Variants in BRF1 observed in about 807,000 individuals in gnomAD.
BRF1 encodes the protein transcription factor IIIB 90 kDa subunit.
In BRF1, 59 loss-of-function variants were observed where a neutral mutation model predicts 81.7. The observed-to-expected ratio is 0.72, with a 90% confidence interval of 0.59 to 0.90. The LOEUF (loss-of-function observed/expected upper bound fraction) is 0.90. Ranked by LOEUF, BRF1 falls within the 40% of genes least tolerant of loss-of-function variation. The pLI, the probability that BRF1 is intolerant of heterozygous loss-of-function variation, is 0.00. For synonymous variants in BRF1, 491 were observed against 395.6 expected (o/e 1.24, Z -2.86); for missense variants, 1,050 against 936.3 (o/e 1.12, Z -1.58).
At chr14:105,286,090 A>G (rs886096454) in intron 2 of BRF1, among the ~76,000 whole-genome samples, 5 of 152,184 alleles carry the variant, frequency 3.3e-5, no homozygotes, top group African/African-American at 1.2e-4. Context: ...GTTCTCCCCA[A>G]ACAGCCCTGG....
At chr14:105,219,513 G>T in intron 12 of BRF1, 1 of 591,084 alleles carries the variant, frequency 1.7e-6, no homozygotes, top group Non-Finnish European at 2.9e-6. Flanking sequence ...GCCAGCCAGA[G>T]TGCAGGCCAC....
At chr14:105,293,734 G>A (rs1298842303) in intron 1 of BRF1, among the ~76,000 whole-genome samples, 1 of 152,178 alleles carries the variant, frequency 6.6e-6, no homozygotes, top group African/African-American at 2.4e-5. Flanking sequence ...CTCTGCTCGG[G>A]TGCCCCGGGA....
intron 5 of BRF1, 21 bp downstream of exon 5, chr14:105,252,483 CCAG>C (rs1459879451): frequency 6.2e-6 from 10 of 1,611,964 alleles, no homozygotes; most frequent in Middle Eastern, 1.6e-4. Context: ...GCCGGACACC[CCAG>C]CATCTCACCC....
At chr14:105,268,568 A>G (rs1047041791) in intron 3 of BRF1, among the ~76,000 whole-genome samples, 10 of 152,264 alleles carry the variant, frequency 6.6e-5, no homozygotes, top group Non-Finnish European at 1.3e-4. Flanking sequence ...GGGTGGGCAG[A>G]AGGAGGAATA....
intron 5 of BRF1, chr14:105,248,846 T>C: frequency 2.0e-6 from 2 of 989,932 alleles, no homozygotes; most frequent in South Asian, 9.2e-5. Flanking sequence ...GCGCCGAGGC[T>C]GCCCCCGCCG....
chr14:105,269,326 G>A lies in BRF1; in HGVS notation c.439+3395C>T, dbSNP rs2056558781. Among the ~76,000 whole-genome samples the A allele has an allele frequency of 6.6e-6, 1 of 152,170 alleles. No homozygotes were observed. Among genetic ancestry groups the A allele is most frequent in the Admixed American group, 6.5e-5 (1 of 15,280 alleles). ...TGAAGGGAGCCCCACCAGGCCACCA[G>A]CAGCCAGAGGGGATAGAGTGCGGCC... On this transcript the variant is annotated intron_variant, in intron 3 of 17. Coordinates refer to ENST00000547530, the MANE Select transcript of BRF1 (RefSeq NM_001519.4). The surrounding 1 kb of genome is among the most constrained non-coding windows in gnomAD (Gnocchi z 5.0).
intron 6 of BRF1, among the ~76,000 whole-genome samples, chr14:105,229,615 C>T (rs1221652335): frequency 2.0e-5 from 3 of 152,218 alleles, no homozygotes; most frequent in African/African-American, 4.8e-5. Flanking sequence ...TCACAGAGGT[C>T]CAACTAGAAC....
chr14:105,311,108 A>G (rs2058340488), intron 1 of BRF1, among the ~76,000 whole-genome samples: 1 of 151,936 alleles, frequency 6.6e-6, no homozygotes, highest in South Asian at 2.1e-4. Context: ...GCGCACCATC[A>G]TGCCCCACTA....
At position 105,255,439 on chromosome 14, in the gene BRF1, G is replaced by T. The variant is rs587666900; in HGVS notation, c.471+1079C>A. Reference sequence around the variant, plus strand: ...GGCAGAAGCCTAACTGTGGGCTGCTGCCAAAGGCGGAAAGCCCTTGAGGAC... The same window carrying T: ...GGCAGAAGCCTAACTGTGGGCTGCTTCCAAAGGCGGAAAGCCCTTGAGGAC... On this transcript the variant is annotated intron_variant, in intron 4 of 17. Transcript: ENST00000547530. Among the ~76,000 whole-genome samples the T allele has an allele frequency of 5.2e-5, 8 of 152,392 alleles. No individual in the cohort carries two copies. In the South Asian group the frequency reaches 1.7e-3, roughly 32 times the overall value.
chr14:105,228,717 GA>G, intron 7 of BRF1, 102 bp downstream of exon 7: 1 of 1,323,508 alleles, frequency 7.6e-7, no homozygotes, highest in African/African-American at 1.4e-5. Context: ...CCAGGCGGGG[GA>G]CGGCAGGGTC....
intron 6 of BRF1, 152 bp downstream of exon 6, chr14:105,241,113 C>G: frequency 1.6e-6 from 2 of 1,266,186 alleles, no homozygotes; most frequent in Non-Finnish European, 1.1e-6. Flanking sequence ...CTGAGGACCC[C>G]GGTGGGCCAG....
chr14:105,249,867 C>T, intron 5 of BRF1: 1 of 1,612,378 alleles, frequency 6.2e-7, no homozygotes, highest in Non-Finnish European at 8.5e-7. Context: ...GCCGAGATGG[C>T]CCTACGGTCC....
chr14:105,210,717 C>T lies in BRF1; in HGVS notation c.1997-129G>A. The T allele has an allele frequency of 4.6e-6, 5 of 1,078,588 alleles. No homozygotes were observed. Among genetic ancestry groups the T allele is most frequent in the Non-Finnish European group, 6.7e-6 (5 of 748,506 alleles). 66.8% of individuals were successfully genotyped at this position (1,078,588 alleles called of 1,614,324 possible). ...CCAGCCCCAGCCCCAGCCCCCCGCGCCCCGCCAGGAGCCATCTTGGGCTCC... is the reference window on the plus strand; with the variant it reads ...CCAGCCCCAGCCCCAGCCCCCCGCGTCCCGCCAGGAGCCATCTTGGGCTCC... On this transcript the variant is annotated intron_variant, in intron 17 of 17. Transcript: ENST00000547530. The surrounding 1 kb of genome is among the most constrained non-coding windows in gnomAD (Gnocchi z 4.7).
At position 105,274,000 on chromosome 14, in the gene BRF1, G is replaced by A. The variant is rs372177941; in HGVS notation, c.266-1106C>T. 9.8e-5 allele frequency among the ~76,000 whole-genome samples: 15 copies of A among 152,330 alleles called. No individual in the cohort carries two copies. In the South Asian group the frequency reaches 2.3e-3, roughly 23 times the overall value. On this transcript the variant is annotated intron_variant, in intron 2 of 17. Transcript: ENST00000547530. ...CCTGCCCCTGGGAACTGAATGTCTC[G>A]ATATAAAACCCGATTGTACACTTGT...
chr14:105,264,441 G>C (rs2056304974), intron 3 of BRF1, among the ~76,000 whole-genome samples: 1 of 151,904 alleles, frequency 6.6e-6, no homozygotes, highest in Non-Finnish European at 1.5e-5. Context: ...GAGGTGGGCG[G>C]ATCACGAGGT....
chr14:105,249,101 G>A (rs1260047234), intron 5 of BRF1: 16 of 1,491,006 alleles, frequency 1.1e-5, no homozygotes, highest in Non-Finnish European at 1.3e-5. Context: ...CCCGTGCCCC[G>A]CGGCCCCCGC....
At chr14:105,241,546 C>T (rs752703248) in intron 5 of BRF1, 132 bp from the exon 6 acceptor site, 37 of 1,200,344 alleles carry the variant, frequency 3.1e-5, no homozygotes, top group Non-Finnish European at 4.2e-5. Context: ...CAGTTCCCCT[C>T]CCCTGGACAA....
rs1890015306 is a variant in BRF1, at chr14:105,210,902, CGTGGTGG to C, written c.1996+213_1996+219del. Among the ~76,000 whole-genome samples the C allele has an allele frequency of 6.6e-6, 1 of 152,166 alleles. No homozygotes were observed. Among genetic ancestry groups the C allele is most frequent in the Non-Finnish European group, 1.5e-5 (1 of 68,042 alleles). ...CTCGTGCTGCTGGCTGGGCGGCCCT[CGTGGTGG>C]GTACCTCACCGTCCCTAGCCTCTCT... On this transcript the variant is annotated intron_variant, in intron 17 of 17. Transcript: ENST00000547530. The surrounding 1 kb of genome is among the most constrained non-coding windows in gnomAD (Gnocchi z 4.7).
At chr14:105,283,305 C>T (rs767426372) in intron 2 of BRF1, among the ~76,000 whole-genome samples, 1 of 152,180 alleles carries the variant, frequency 6.6e-6, no homozygotes, top group Non-Finnish European at 1.5e-5. Flanking sequence ...CCGGGGCAGG[C>T]GGGTGGGAGA....
Sources: gnomAD v4.1 joint callset for allele counts (sites outside exome capture counted in the v4.1 genomes callset) on GRCh38, gnomAD v4.1.1 for gene constraint, Gnocchi (gnomAD v3.1) non-coding constraint, MANE v1.5 for transcripts, NCBI Gene and HGNC (gene_info 2026-07-23, HGNC 2026-07-21) for gene names.